The following STEAP2 variants were observed in gnomAD, a reference collection of about 807,000 sequenced individuals.
The protein encoded by STEAP2 is STEAP2 metalloreductase.
In STEAP2, 30 loss-of-function variants were observed where a neutral mutation model predicts 46.4. The observed-to-expected ratio is 0.65, with a 90% CI of 0.48 to 0.88. The LOEUF (loss-of-function observed/expected upper bound fraction) is 0.88. Ranked by LOEUF, STEAP2 falls within the 40% of genes least tolerant of loss-of-function variation. The probability of loss-of-function intolerance (pLI) is 0.00; values close to 1 mark genes in which losing one functional copy is unlikely to be tolerated. For missense variants in STEAP2, 513 were observed against 579.3 expected (o/e 0.89, Z 1.18); for synonymous variants, 180 against 200.5 (o/e 0.90, Z 0.86).
At chr7:90,222,893 C>T (rs1435048925) in intron 2 of STEAP2, among the ~76,000 whole-genome samples, 2 of 152,014 alleles carry the variant, frequency 1.3e-5, no homozygotes, top group Non-Finnish European at 2.9e-5. Context: ...TCCATTAAAT[C>T]CTCTGAAATG....
In STEAP2 at chr7:90,229,968, C is replaced by T. The variant is rs1395496655; in HGVS notation, c.1117C>T (p.Leu373Phe). 2.5e-6 allele frequency: 4 copies of T among 1,613,514 alleles called. No homozygotes were observed. In the African/African-American group the frequency reaches 5.3e-5, roughly 22 times the overall value. ...FGIMSLGLLS[L>F]LAVTSIPSVS... ...CATAATGAGCCTTGGCTTACTTTCC[C>T]TCCTGGCAGTCACTTCTATCCCTTC... Residue 373 changes from leucine to phenylalanine, a missense_variant, in exon 5 of 6, where the codon CTC becomes TTC. Coordinates refer to ENST00000394621, the MANE Select transcript of STEAP2 (RefSeq NM_001244944.2).
chr7:90,228,524 A>G (rs1795597874), intron 4 of STEAP2, among the ~76,000 whole-genome samples: 1 of 151,964 alleles, frequency 6.6e-6, no homozygotes, highest in African/African-American at 2.4e-5. Flanking sequence ...GCTGGATACC[A>G]TCTTAAATGC....
At chr7:90,231,621 G>C (rs896483648) in intron 5 of STEAP2, among the ~76,000 whole-genome samples, 1 of 151,924 alleles carries the variant, frequency 6.6e-6, no homozygotes, top group Non-Finnish European at 1.5e-5. Flanking sequence ...TCTAAACAGA[G>C]AAAAGGTACA....
chr7:90,214,690 AG>A (rs34485307), intron 1 of STEAP2, among the ~76,000 whole-genome samples: 23,304 of 152,044 alleles, frequency 0.15, 2,814 homozygotes, highest in East Asian at 0.65. Flanking sequence ...GAGAAACCAG[AG>A]CAGGCTGAAG....
chr7:90,241,184 A>G (rs969570533), downstream of STEAP2, among the ~76,000 whole-genome samples: 2 of 151,926 alleles, frequency 1.3e-5, no homozygotes, highest in African/African-American at 4.8e-5. Context: ...ACACACACAC[A>G]CACACACTCA....
At chr7:90,226,418 CA>C (rs1438400247) in intron 3 of STEAP2, among the ~76,000 whole-genome samples, 3 of 152,010 alleles carry the variant, frequency 2.0e-5, no homozygotes, top group Non-Finnish European at 4.4e-5. Flanking sequence ...ACCATTGTCA[CA>C]ACTGTAATAA....
At chr7:90,213,704 G>A (rs1794905634) in intron 1 of STEAP2, 1 of 152,210 alleles carries the variant, frequency 6.6e-6, no homozygotes, top group African/African-American at 2.4e-5. Context: ...TCACGGACAA[G>A]ACAAACATGG....
rs1011994452 is a variant in STEAP2 at position 90,234,998 on chromosome 7, C to T, written c.*2374C>T. The T allele has an allele frequency of 3.1e-6, 3 of 968,786 alleles. No homozygotes were observed. Among genetic ancestry groups the T allele is most frequent in the Non-Finnish European group, 3.7e-6 (3 of 814,734 alleles). 60.0% of individuals were successfully genotyped at this position (968,786 alleles called of 1,614,324 possible). On this transcript the variant is annotated 3_prime_UTR_variant, in exon 6 of 6. Transcript: ENST00000394621. Reference sequence around the variant, plus strand: ...GGCAAAAACATTCTATTATAGTGAACTAATGAAAATAACAGCGTATTTTCA... The same window carrying T: ...GGCAAAAACATTCTATTATAGTGAATTAATGAAAATAACAGCGTATTTTCA...
chr7:90,224,999 T>C (rs1327464808), intron 2 of STEAP2, 51 bp from the exon 3 acceptor site: 8 of 1,467,716 alleles, frequency 5.5e-6, no homozygotes, highest in Admixed American at 2.1e-5. Flanking sequence ...TAGAAGTGTT[T>C]TAATGTTCAG....
rs1418498445 is a variant in STEAP2, at chr7:90,234,968, T to C, written c.*2344T>C. On this transcript the variant is annotated 3_prime_UTR_variant, in exon 6 of 6. Coordinates refer to ENST00000394621, the MANE Select transcript of STEAP2 (RefSeq NM_001244944.2). ...GAATTCAGTTGGGCAATGATAACTT[T>C]TATGGGCAAAAACATTCTATTATAG... The C allele has an allele frequency of 1.0e-6, 1 of 977,210 alleles. No homozygotes were observed. The highest frequency in any genetic ancestry group is 1.2e-6 in the Non-Finnish European group (1 of 822,526). The allele number at this position is 977,210 out of a possible 1,614,324, so 60.5% of individuals were successfully genotyped here.
downstream of STEAP2, among the ~76,000 whole-genome samples, chr7:90,241,323 C>T (rs1396135335): frequency 6.6e-6 from 1 of 152,078 alleles, no homozygotes; most frequent in Non-Finnish European, 1.5e-5. Context: ...CTAACAGAGT[C>T]CCTAGTAATG....
chr7:90,218,751 T>C (rs1262561740), intron 2 of STEAP2, among the ~76,000 whole-genome samples: 4 of 152,180 alleles, frequency 2.6e-5, no homozygotes, highest in Non-Finnish European at 5.9e-5. Context: ...GCTGTAGCTA[T>C]TCAGGATATT....
chr7:90,237,802 C>A, downstream of STEAP2: 1 of 252,800 alleles, frequency 4.0e-6, no homozygotes. Context: ...TTAGAAAAAC[C>A]TCCATTTACA....
intron 5 of STEAP2, 22 bp downstream of exon 5, chr7:90,230,058 G>T: frequency 6.2e-7 from 1 of 1,608,530 alleles, no homozygotes; most frequent in South Asian, 1.1e-5. Context: ...TTTGTTTGGT[G>T]AAGGATTGTG....
intron 2 of STEAP2, among the ~76,000 whole-genome samples, chr7:90,219,721 A>ACG (rs1477412124): frequency 1.3e-5 from 2 of 152,036 alleles, no homozygotes. Context: ...ACAGACACAC[A>ACG]CGCGCGCACA....
intron 1 of STEAP2, among the ~76,000 whole-genome samples, chr7:90,212,611 G>T (rs1353069473): frequency 3.3e-5 from 5 of 152,122 alleles, no homozygotes; most frequent in Admixed American, 3.3e-4. Flanking sequence ...TGAAAATTAT[G>T]CCCTAAAAAT....
Position 90,235,199 on chromosome 7 carries a change from A to C in STEAP2, c.*2575A>C, listed in dbSNP as rs1795920691. On this transcript the variant is annotated 3_prime_UTR_variant, in exon 6 of 6. Transcript: ENST00000394621. ...TTACAGATAAATGGGGCCTTTAAAA[A>C]TATGAAAAACAAACTTGTGAAAATG... 3.1e-6 allele frequency: 3 copies of C among 982,484 alleles called. No individual in the cohort carries two copies. The highest frequency in any genetic ancestry group is 6.2e-5 in the Admixed American group (1 of 16,258). The allele number at this position is 982,484 out of a possible 1,614,324, so 60.9% of individuals were successfully genotyped here. A position where few individuals can be genotyped will look rare whatever the true frequency, so the allele number is the denominator to read the frequency against.
chr7:90,231,277 A>G (rs748608009), intron 5 of STEAP2, among the ~76,000 whole-genome samples: 1 of 151,810 alleles, frequency 6.6e-6, no homozygotes, highest in Non-Finnish European at 1.5e-5. Flanking sequence ...AGGATTTTTC[A>G]TATTTGCCTA....
downstream of STEAP2, among the ~76,000 whole-genome samples, chr7:90,241,951 C>T (rs1051116216): frequency 6.6e-6 from 1 of 152,128 alleles, no homozygotes; most frequent in Non-Finnish European, 1.5e-5. Flanking sequence ...AAATGTTATG[C>T]GGGAGGAAAC....
Sources: allele counts gnomAD v4.1 joint callset (sites outside exome capture counted in the v4.1 genomes callset), GRCh38; gene constraint gnomAD v4.1.1; transcripts MANE v1.5; gene names NCBI Gene and HGNC (gene_info 2026-07-23, HGNC 2026-07-21).